FN1: variants seen among roughly 807,000 people sequenced by gnomAD.
The protein encoded by FN1 is fibronectin.
FN1 carries 106 observed loss-of-function variants against 297.3 expected under a neutral mutation model. That is an observed-to-expected ratio of 0.36 (90% confidence interval 0.30 to 0.42). The LOEUF (loss-of-function observed/expected upper bound fraction) is 0.42. Ranked by LOEUF, FN1 falls within the 10% of genes least tolerant of loss-of-function variation. The pLI, the probability that FN1 is intolerant of heterozygous loss-of-function variation, is 1.00. For missense variants in FN1, 2,690 were observed against 3,124.9 expected (o/e 0.86, Z 3.32); for synonymous variants, 1,149 against 1,152.6 (o/e 1.00, Z 0.06).
chr2:215,385,297 C>T (rs1575420968), intron 28 of FN1, among the ~76,000 whole-genome samples: 1 of 148,644 alleles, frequency 6.7e-6, no homozygotes, highest in South Asian at 2.1e-4. Flanking sequence ...CGTGGTGGCT[C>T]ACGCCTGTAA....
chr2:215,382,329 CA>C lies in FN1; in HGVS notation c.5051-5del. The C allele has an allele frequency of 6.3e-7, 1 of 1,592,160 alleles. No individual in the cohort carries two copies. The highest frequency in any genetic ancestry group is 8.6e-7 in the Non-Finnish European group (1 of 1,160,050). ...TCAATAGTCATTTCTGTTTGATCTG[CA>C]AAGGGAGTGAAAAGCAAATGCAACA... On this transcript the variant is annotated splice_polypyrimidine_tract_variant and splice_region_variant and intron_variant, in intron 31 of 45. Transcript: ENST00000354785.
chr2:215,369,634 C>T (rs1359070946), intron 41 of FN1, among the ~76,000 whole-genome samples: 1 of 152,090 alleles, frequency 6.6e-6, no homozygotes, highest in Non-Finnish European at 1.5e-5. Context: ...GCAAATTGAG[C>T]AGCCAGGTGG....
intron 5 of FN1, among the ~76,000 whole-genome samples, chr2:215,430,063 G>C (rs2066221772): frequency 6.6e-6 from 1 of 152,168 alleles, no homozygotes; most frequent in Non-Finnish European, 1.5e-5. Context: ...ATTTGAATTT[G>C]GATGATGGCT....
At chr2:215,392,374 G>A (rs1214592038) in intron 25 of FN1, 1 of 183,926 alleles carries the variant, frequency 5.4e-6, no homozygotes, top group Non-Finnish European at 1.1e-5. Context: ...CCAGACTGTG[G>A]TTAAAGAGGT....
rs763026527 is a variant in FN1, at chr2:215,392,973, T to C, written c.4027A>G (p.Asn1343Asp). 1 of 1,613,416 alleles carries C rather than the reference T, an allele frequency of 6.2e-7. No individual in the cohort carries two copies. Among genetic ancestry groups the C allele is most frequent in the Non-Finnish European group, 8.5e-7 (1 of 1,179,984 alleles). The change falls in exon 25 of 46, where the codon AAT (asparagine) becomes GAT (aspartate). Residue 1343 changes from asparagine (N) to aspartate (D), a missense_variant. Asn to Asp is a conservative substitution (Grantham distance 23). Coordinates refer to ENST00000354785, the MANE Select transcript of FN1 (RefSeq NM_212482.4). ...GTAGTAGGGGCACTCTCGCCGCCAT[T>C]AATGAGAGTGATAACGCTGATATCA... ...DYDISVITLI[N>D]GGESAPTTLT...
At chr2:215,382,755 G>A (rs942835674) in intron 31 of FN1, among the ~76,000 whole-genome samples, 2 of 152,140 alleles carry the variant, frequency 1.3e-5, no homozygotes, top group African/African-American at 4.8e-5. Context: ...CCAGAAGGGT[G>A]AATCTAGTAA....
chr2:215,428,939 C>T (rs868238634), intron 5 of FN1, among the ~76,000 whole-genome samples: 1 of 151,976 alleles, frequency 6.6e-6, no homozygotes, highest in Non-Finnish European at 1.5e-5. Flanking sequence ...CGCTTGAACC[C>T]GGGAGGTGGA....
chr2:215,364,788 C>A, intron 44 of FN1, 91 bp downstream of exon 44: 1 of 837,782 alleles, frequency 1.2e-6, no homozygotes, highest in South Asian at 1.4e-5. Context: ...TCCGAAGGGT[C>A]TCTGCCCCTC....
chr2:215,378,280 T>G lies in FN1; in HGVS notation c.5623-18A>C, dbSNP rs762184019. ...GTGGCCACCTAGAGAAATAAGGGCA[T>G]GGTGAGCTTTAGCAACGTCCTCAAC... is the stretch of plus-strand genomic sequence containing the variant. On this transcript the variant is annotated intron_variant, in intron 34 of 45. Transcript: ENST00000354785. 1 of 1,471,762 alleles carries G rather than the reference T, an allele frequency of 6.8e-7. No homozygotes were observed. 91.2% of individuals were successfully genotyped at this position (1,471,762 alleles called of 1,614,324 possible). A position where few individuals can be genotyped will look rare whatever the true frequency, so the allele number is the denominator to read the frequency against.
rs1380284939 is a variant in FN1 at position 215,424,246 on chromosome 2, G to A, written c.1116C>T (p.Tyr372=). ...LPFTYNGRTF[Y]SCTTEGRQDG... ...CCTGTCGCCCTTCTGTGGTGCAGGA[G>A]TAGAACGTCCTGCCATTGTAGGTGA... The change falls in exon 8 of 46, where the codon TAC becomes TAT. Residue 372 remains tyrosine, a synonymous_variant. Transcript: ENST00000354785. 3 of 1,613,770 alleles carry A rather than the reference G, an allele frequency of 1.9e-6. No homozygotes were observed. Among genetic ancestry groups the A allele is most frequent in the South Asian group, 2.2e-5 (2 of 91,072 alleles).
At chr2:215,394,362 T>C (rs531042636) in intron 24 of FN1, among the ~76,000 whole-genome samples, 166 bp downstream of exon 24, 1 of 152,182 alleles carries the variant, frequency 6.6e-6, no homozygotes, top group African/African-American at 2.4e-5. Context: ...CAGCAAGCAT[T>C]TGTCCAAATC....
At chr2:215,401,392 G>C (rs1320246516) in intron 20 of FN1, among the ~76,000 whole-genome samples, 1 of 152,116 alleles carries the variant, frequency 6.6e-6, no homozygotes, top group African/African-American at 2.4e-5. Flanking sequence ...AGTTAAGATA[G>C]AGATTTCCAA....
intron 24 of FN1, chr2:215,393,410 G>A: frequency 5.1e-6 from 2 of 388,986 alleles, no homozygotes; most frequent in Non-Finnish European, 9.0e-6. Context: ...AGAATAAACA[G>A]GAATATTCTT....
rs1425522048 is a variant in FN1 at position 215,401,198 on chromosome 2, A to AAAGAAAGG, written c.3254-1848_3254-1847insCCTTTCTT. 8.1e-5 allele frequency among the ~76,000 whole-genome samples: 7 copies of AAAGAAAGG among 86,778 alleles called. 3 individuals carry two copies. Among genetic ancestry groups the AAAGAAAGG allele is most frequent in the South Asian group, 8.2e-4 (2 of 2,452 alleles). The allele number at this position is 86,778 out of a possible 152,430, so 56.9% of individuals were successfully genotyped here. Reference sequence around the variant, plus strand: ...GAGAGAGAGTGAGAGAGAAAGAAAGAAAAGAAAGAAAGAAAGAAAGAAAGA... The same window carrying AAAGAAAGG: ...GAGAGAGAGTGAGAGAGAAAGAAAGAAAGAAAGGAAAGAAAGAAAGAAAGAAAGAAAGA... On this transcript the variant is annotated intron_variant, in intron 20 of 45. Transcript: ENST00000354785.
intron 31 of FN1, among the ~76,000 whole-genome samples, chr2:215,383,016 T>C (rs1468362574): frequency 9.2e-5 from 14 of 151,564 alleles, no homozygotes; most frequent in South Asian, 4.2e-4. Flanking sequence ...TTTTTTTTTT[T>C]CCCTGAGATG....
chr2:215,392,227 C>T, intron 25 of FN1: 1 of 219,288 alleles, frequency 4.6e-6, no homozygotes, highest in South Asian at 6.6e-5. Flanking sequence ...TAAACTTCCC[C>T]CCATGTGAGA....
intron 15 of FN1, among the ~76,000 whole-genome samples, chr2:215,408,837 T>A (rs1022385760): frequency 1.3e-5 from 2 of 152,332 alleles, no homozygotes; most frequent in Non-Finnish European, 2.9e-5. Flanking sequence ...CCCGAAGTGC[T>A]GAGATTATAG....
chr2:215,397,591 C>G, intron 22 of FN1, 89 bp downstream of exon 22: 1 of 1,105,456 alleles, frequency 9.0e-7, no homozygotes, highest in Admixed American at 1.7e-5. Context: ...GTGCCATTCT[C>G]ATAAGTAAAA....
chr2:215,431,208 A>T (rs1205837117), intron 4 of FN1, among the ~76,000 whole-genome samples: 1 of 152,246 alleles, frequency 6.6e-6, no homozygotes, highest in Non-Finnish European at 1.5e-5. Context: ...ATAAATGACC[A>T]ATTATGAATT....
Sources: gnomAD v4.1 joint callset for allele counts (sites outside exome capture counted in the v4.1 genomes callset) on GRCh38, gnomAD v4.1.1 for gene constraint, MANE v1.5 for transcripts, NCBI Gene and HGNC (gene_info 2026-07-23, HGNC 2026-07-21) for gene names.